Variants in MMS19 observed in about 807,000 individuals in gnomAD.
MMS19 encodes MMS19 nucleotide excision repair protein homolog.
A neutral mutation model predicts 129.8 loss-of-function variants in MMS19; 77 were observed. That is an observed-to-expected ratio of 0.59 (90% confidence interval 0.49 to 0.72). MMS19 has a LOEUF of 0.72. MMS19 is among the 30% of genes least tolerant of loss of function. MMS19 has a pLI of 0.00. For synonymous variants in MMS19, 491 were observed against 502.8 expected (o/e 0.98, Z 0.31); for missense variants, 1,168 against 1,266.3 (o/e 0.92, Z 1.18).
At chr10:97,467,105 AG>A (rs1378006375) in intron 14 of MMS19, among the ~76,000 whole-genome samples, 1 of 152,080 alleles carries the variant, frequency 6.6e-6, no homozygotes. Context: ...CAGCCTCCCG[AG>A]TAGCTGGAAT....
intron 23 of MMS19, 116 bp downstream of exon 23, chr10:97,461,380 T>C (rs2031859498): frequency 7.8e-7 from 1 of 1,279,864 alleles, no homozygotes; most frequent in South Asian, 1.4e-5. Flanking sequence ...CTTGAGCAGT[T>C]GAAGCCCTGT....
At chr10:97,485,374 A>G (rs1272588916) in intron 1 of MMS19, among the ~76,000 whole-genome samples, 1 of 148,696 alleles carries the variant, frequency 6.7e-6, no homozygotes, top group Non-Finnish European at 1.5e-5. Flanking sequence ...GTGCAATGGT[A>G]TGATCTTGGC....
intron 4 of MMS19, 27 bp downstream of exon 4, chr10:97,478,277 T>C: frequency 6.4e-7 from 1 of 1,551,420 alleles, no homozygotes; most frequent in South Asian, 1.2e-5. Context: ...TGAACAAAGT[T>C]ATGTAATGAA....
In MMS19 at chr10:97,466,980, C is replaced by T. The variant is rs539261934; in HGVS notation, c.1298-79G>A. The T allele has an allele frequency of 4.8e-5, 75 of 1,553,464 alleles. 1 individual carries two copies. In the South Asian group the frequency reaches 8.3e-4, roughly 17 times the overall value. On this transcript the variant is annotated intron_variant, in intron 14 of 30. Transcript: ENST00000438925. The stretch of plus-strand genomic sequence containing the variant: ...TGACTAAGCTGTGATACACAGCCAA[C>T]CTGGGGTAGATTTTTTTTTTGAGAC...
intron 6 of MMS19, 49 bp downstream of exon 6, chr10:97,477,298 A>T (rs1334521386): frequency 6.2e-7 from 1 of 1,613,842 alleles, no homozygotes; most frequent in Admixed American, 1.7e-5. Flanking sequence ...TAGGGGAAAA[A>T]GTAGGATGTG....
In MMS19 at chr10:97,482,677, TATG is replaced by T. The variant is rs1378781174; in HGVS notation, c.161+1423_161+1425del. 1.1e-4 allele frequency among the ~76,000 whole-genome samples: 16 copies of T among 151,934 alleles called. 3 individuals are homozygous for T. Among genetic ancestry groups the T allele is most frequent in the African/African-American group, 2.4e-4 (10 of 41,404 alleles). On this transcript the variant is annotated intron_variant, in intron 2 of 30. Transcript: ENST00000438925. ...TTGTACATTTTAAAATGGTGAACTT[TATG>T]ATATGTGAATCATACATCAATAAGG...
rs1477487786 is a variant in MMS19 at position 97,470,120 on chromosome 10, A to C, written c.846+9T>G. On this transcript the variant is annotated intron_variant, in intron 10 of 30. Coordinates refer to ENST00000438925, the MANE Select transcript of MMS19 (RefSeq NM_022362.5). ...GTAGCTGGGTCCTGCAAGGAGAAAA[A>C]TCACTCACCAGAGTCTGTAGAGAAT... 1 of 1,597,104 alleles carries C rather than the reference A, an allele frequency of 6.3e-7. No individual in the cohort carries two copies. The highest frequency in any genetic ancestry group is 8.6e-7 in the Non-Finnish European group (1 of 1,168,756).
intron 23 of MMS19, chr10:97,461,285 T>C: frequency 1.6e-6 from 1 of 633,656 alleles, no homozygotes; most frequent in Non-Finnish European, 2.7e-6. Flanking sequence ...CTAGACTCTT[T>C]GTGCTCCCTT....
rs1235079176 is a variant in MMS19 at position 97,478,402 on chromosome 10, G to C, written c.263-13C>G. On this transcript the variant is annotated splice_polypyrimidine_tract_variant and intron_variant, in intron 3 of 30. Coordinates refer to ENST00000438925, the MANE Select transcript of MMS19 (RefSeq NM_022362.5). ...ATCAGGTGTACCACTGCACAAACCAGATTCAGCCATTAGTTGACATAGGCA... is the reference window on the plus strand; with the variant it reads ...ATCAGGTGTACCACTGCACAAACCACATTCAGCCATTAGTTGACATAGGCA... The C allele has an allele frequency of 3.8e-6, 6 of 1,593,924 alleles. No individual in the cohort carries two copies. The highest frequency in any genetic ancestry group is 5.1e-6 in the Non-Finnish European group (6 of 1,168,640).
chr10:97,466,354 C>G, intron 16 of MMS19, 150 bp downstream of exon 16: 1 of 769,336 alleles, frequency 1.3e-6, no homozygotes, highest in Non-Finnish European at 2.2e-6. Context: ...ATCTCTCCAA[C>G]TGGTTAGCAG....
At chr10:97,493,804 C>CG (rs1199117439) in intron 1 of MMS19, among the ~76,000 whole-genome samples, 1 of 152,140 alleles carries the variant, frequency 6.6e-6, no homozygotes, top group African/African-American at 2.4e-5. Flanking sequence ...CACCTGAGGT[C>CG]GGAAGTTTAG....
In MMS19 at chr10:97,483,978, T is replaced by C. The variant is rs377387855; in HGVS notation, c.161+125A>G. ...ATATAGGCTTAGACTGAGGTACTAA[T>C]ATGGAAGGGGGCTGCTGGGCTACAA... On this transcript the variant is annotated intron_variant, in intron 2 of 30. Transcript: ENST00000438925. The C allele has an allele frequency of 3.6e-4, 233 of 639,416 alleles. 2 individuals carry two copies. In the East Asian group the frequency reaches 5.1e-3, roughly 14 times the overall value. The allele number at this position is 639,416 out of a possible 1,614,324, so 39.6% of individuals were successfully genotyped here.
intron 2 of MMS19, 99 bp from the exon 3 acceptor site, chr10:97,481,141 A>T (rs2036723643): frequency 1.3e-6 from 1 of 768,032 alleles, no homozygotes; most frequent in African/African-American, 1.8e-5. Flanking sequence ...CTGGGCATGG[A>T]AGCAGAGCCA....
chr10:97,464,604 G>A (rs2032945864), intron 18 of MMS19, among the ~76,000 whole-genome samples: 1 of 152,104 alleles, frequency 6.6e-6, no homozygotes, highest in South Asian at 2.1e-4. Flanking sequence ...TGTCACCCAT[G>A]CTGCTGGTTA....
chr10:97,466,147 T>G lies in MMS19; in HGVS notation c.1518A>C (p.Ala506=). ...KEDSQSCRVA[A]LEASGTLAAL... ...CAGCCAGGGTTCCTGATGCTTCCAG[T>G]GCTGCCACCCTGCTGGAGGCGCAGA... is the stretch of plus-strand genomic sequence containing the variant. Residue 506 remains alanine (A), a synonymous_variant, in exon 17 of 31, where the codon GCA becomes GCC. Transcript: ENST00000438925. 1 of 1,572,074 alleles carries G rather than the reference T, an allele frequency of 6.4e-7. No individual in the cohort carries two copies. The highest frequency in any genetic ancestry group is 8.6e-7 in the Non-Finnish European group (1 of 1,158,496).
At chr10:97,467,830 ATTTTTT>A (rs1285490114) in intron 13 of MMS19, among the ~76,000 whole-genome samples, 1 of 137,396 alleles carries the variant, frequency 7.3e-6, no homozygotes, top group Non-Finnish European at 1.6e-5. Context: ...TATCCAGCTA[ATTTTTT>A]TTTTTTTTTT....
intron 1 of MMS19, among the ~76,000 whole-genome samples, chr10:97,493,405 T>C (rs2039269443): frequency 6.6e-6 from 1 of 152,078 alleles, no homozygotes. Context: ...AACAAGGCCC[T>C]GTTCGCTACA....
chr10:97,470,693 T>G, intron 9 of MMS19, 82 bp downstream of exon 9: 2 of 869,350 alleles, frequency 2.3e-6, no homozygotes, highest in Non-Finnish European at 3.8e-6. Flanking sequence ...TACCAGATAT[T>G]TTTTTCTCCA....
chr10:97,469,826 G>A, intron 10 of MMS19, 103 bp from the exon 11 acceptor site: 2 of 941,290 alleles, frequency 2.1e-6, no homozygotes, highest in Non-Finnish European at 3.3e-6. Context: ...GGTCTCAGCA[G>A]AAAAACCAGT....
Sources: allele counts gnomAD v4.1 joint callset (sites outside exome capture counted in the v4.1 genomes callset), GRCh38; gene constraint gnomAD v4.1.1; transcripts MANE v1.5; gene names NCBI Gene and HGNC (gene_info 2026-07-23, HGNC 2026-07-21).